PTAR1: variants seen among roughly 807,000 people sequenced by gnomAD.
PTAR1 encodes the protein protein prenyltransferase alpha subunit repeat-containing protein 1.
Under a neutral mutation model 45.5 loss-of-function variants are expected in PTAR1, and 17 were observed. The observed-to-expected ratio is 0.37, with a 90% confidence interval of 0.26 to 0.56. The LOEUF (loss-of-function observed/expected upper bound fraction) is 0.56, where lower values mean the gene tolerates loss of function less well. Ranked by LOEUF, PTAR1 falls within the 20% of genes least tolerant of loss-of-function variation. The pLI is 0.77. For missense variants in PTAR1, 391 were observed against 476.3 expected (o/e 0.82, Z 1.67); for synonymous variants, 169 against 171.3 (o/e 0.99, Z 0.11).
intron 1 of PTAR1, among the ~76,000 whole-genome samples, chr9:69,754,532 C>CATTTTTTTTTTT: frequency 2.6e-5 from 2 of 76,266 alleles, no homozygotes; most frequent in East Asian, 4.0e-4. Context: ...GGGTATATAT[C>CATTTTTTTTTTT]TTTTTTTTTT....
intron 2 of PTAR1, among the ~76,000 whole-genome samples, chr9:69,749,147 G>A (rs529698542): frequency 2.0e-5 from 3 of 152,248 alleles, no homozygotes; most frequent in African/African-American, 7.2e-5. Flanking sequence ...CTGCAATAGT[G>A]TCCAGAAGGA....
intron 5 of PTAR1, among the ~76,000 whole-genome samples, chr9:69,726,127 T>C (rs997832970): frequency 2.6e-5 from 4 of 152,068 alleles, no homozygotes; most frequent in Non-Finnish European, 5.9e-5. Flanking sequence ...ATATAGAAAA[T>C]TCCAATAATA....
chr9:69,732,435 T>C, intron 4 of PTAR1, 83 bp from the exon 5 acceptor site: 2 of 972,418 alleles, frequency 2.1e-6, no homozygotes, highest in East Asian at 4.9e-5. Flanking sequence ...TGTTCCTAAT[T>C]TAATTTCCAT....
intron 3 of PTAR1, among the ~76,000 whole-genome samples, chr9:69,735,689 A>T (rs982933419): frequency 6.6e-6 from 1 of 152,128 alleles, no homozygotes; most frequent in Admixed American, 6.5e-5. Flanking sequence ...TTATAATAAA[A>T]TCAGATCATT....
At chr9:69,740,880 A>G (rs572494051) in intron 3 of PTAR1, among the ~76,000 whole-genome samples, 2 of 152,342 alleles carry the variant, frequency 1.3e-5, no homozygotes, top group South Asian at 4.1e-4. Context: ...TTAATTCAAT[A>G]TATCCAAAAT....
chr9:69,732,079 A>C, intron 5 of PTAR1, 60 bp downstream of exon 5: 1 of 1,218,372 alleles, frequency 8.2e-7, no homozygotes, highest in Non-Finnish European at 1.2e-6. Flanking sequence ...AGAATGAACT[A>C]CTACCAGAAG....
intron 3 of PTAR1, among the ~76,000 whole-genome samples, chr9:69,736,514 G>A (rs1280027066): frequency 1.3e-5 from 2 of 152,124 alleles, no homozygotes; most frequent in Non-Finnish European, 2.9e-5. Flanking sequence ...CCAAGATCGC[G>A]CCACTGCACT....
At chr9:69,748,306 T>A (rs974115817) in intron 2 of PTAR1, among the ~76,000 whole-genome samples, 3 of 152,028 alleles carry the variant, frequency 2.0e-5, no homozygotes, top group Non-Finnish European at 4.4e-5. Context: ...AATGCTGTGG[T>A]CTTCCCTCCT....
intron 1 of PTAR1, among the ~76,000 whole-genome samples, chr9:69,753,609 T>A (rs1826632464): frequency 6.6e-6 from 1 of 152,168 alleles, no homozygotes; most frequent in African/African-American, 2.4e-5. Flanking sequence ...ATACCTCCAG[T>A]AAGGCAAATG....
rs768892342 is a variant in PTAR1 at position 69,723,417 on chromosome 9, T to C, written c.856A>G (p.Ile286Val). ...TCTTCTAGAAGATGGGGAAGATTAA[T>C]CCTTGGTTCTTCTGTTGAAACTGCT... ...EAAVSTEEPR[I>V]NLPHLLEEEV... Residue 286 changes from isoleucine (I) to valine (V), a missense_variant, in exon 6 of 8, where the codon ATT (isoleucine) becomes GTT (valine). Ile to Val is a conservative substitution (Grantham distance 29). Around this residue, in one of 5 missense-constraint regions of PTAR1, gnomAD observed 181 missense variants for 227.7 expected, o/e 0.80. Coordinates refer to ENST00000340434, the MANE Select transcript of PTAR1 (RefSeq NM_001099666.2). The C allele has an allele frequency of 2.5e-6, 4 of 1,613,824 alleles. No individual in the cohort carries two copies. Among genetic ancestry groups the C allele is most frequent in the Non-Finnish European group, 3.4e-6 (4 of 1,179,750 alleles).
intron 5 of PTAR1, among the ~76,000 whole-genome samples, chr9:69,726,853 T>C (rs549670569): frequency 6.6e-5 from 10 of 152,004 alleles, no homozygotes; most frequent in Admixed American, 1.3e-4. Context: ...TTAAAGATAT[T>C]AAGTCTCTAT....
chr9:69,740,029 A>T (rs915433790), intron 3 of PTAR1, among the ~76,000 whole-genome samples: 3 of 152,184 alleles, frequency 2.0e-5, no homozygotes, highest in Admixed American at 6.5e-5. Flanking sequence ...TTTCATAGAT[A>T]AAAAAACCAA....
chr9:69,759,974 G>A lies in PTAR1; in HGVS notation c.-36C>T, dbSNP rs1484182408. The A allele has an allele frequency of 2.1e-5, 30 of 1,427,604 alleles. No individual in the cohort carries two copies. The highest frequency in any genetic ancestry group is 2.7e-5 in the Non-Finnish European group (29 of 1,081,086). 88.4% of individuals were successfully genotyped at this position (1,427,604 alleles called of 1,614,324 possible). A position where few individuals can be genotyped will look rare whatever the true frequency, so the allele number is the denominator to read the frequency against. Reference sequence around the variant, plus strand: ...GCCGCGACAGTTCGGGCGCGCCTCCGCGTGAGCCGGGCCGCCGGCGGGAGT... The same window carrying A: ...GCCGCGACAGTTCGGGCGCGCCTCCACGTGAGCCGGGCCGCCGGCGGGAGT... On this transcript the variant is annotated 5_prime_UTR_variant, in exon 1 of 8. Coordinates refer to ENST00000340434, the MANE Select transcript of PTAR1 (RefSeq NM_001099666.2).
At chr9:69,744,486 A>C (rs1000158507) in intron 2 of PTAR1, among the ~76,000 whole-genome samples, 1 of 151,916 alleles carries the variant, frequency 6.6e-6, no homozygotes, top group Non-Finnish European at 1.5e-5. Context: ...CCTAGGCTCA[A>C]GCGATTCTCA....
Position 69,754,846 on chromosome 9 carries a change from GC to G in PTAR1, c.87-3897del, listed in dbSNP as rs1826700550. On this transcript the variant is annotated intron_variant, in intron 1 of 7. Transcript: ENST00000340434. The stretch of plus-strand genomic sequence containing the variant: ...TAGGATTACAGGTGTGAGTCACTGT[GC>G]CCAGCTGGGTATACATCCTTTTTTC... Among the ~76,000 whole-genome samples the G allele has an allele frequency of 2.6e-5, 4 of 151,846 alleles. No individual in the cohort carries two copies. The South Asian group carries it at 8.3e-4, about 32-fold the overall frequency.
chr9:69,755,524 A>C (rs2134175960), intron 1 of PTAR1, among the ~76,000 whole-genome samples: 1 of 152,312 alleles, frequency 6.6e-6, no homozygotes, highest in South Asian at 2.1e-4. Context: ...GATGGTACCC[A>C]AATACTCAAA....
chr9:69,736,529 C>T (rs1000269438), intron 3 of PTAR1, among the ~76,000 whole-genome samples: 1 of 152,152 alleles, frequency 6.6e-6, no homozygotes, highest in Admixed American at 6.5e-5. Flanking sequence ...TGCACTCCAG[C>T]CTGGCAATAA....
chr9:69,745,962 A>G (rs913610857), intron 2 of PTAR1, among the ~76,000 whole-genome samples: 2 of 152,216 alleles, frequency 1.3e-5, no homozygotes, highest in Non-Finnish European at 2.9e-5. Flanking sequence ...TGCTGAGCAG[A>G]GGGATACTTT....
chr9:69,759,600 G>A (rs973469522), intron 1 of PTAR1, among the ~76,000 whole-genome samples: 1 of 152,166 alleles, frequency 6.6e-6, no homozygotes, highest in Non-Finnish European at 1.5e-5. Context: ...GGTGGGGAGG[G>A]ACAGAGAAAG....
Sources: gnomAD v4.1 joint callset for allele counts (sites outside exome capture counted in the v4.1 genomes callset) on GRCh38, gnomAD v4.1.1 for gene constraint, gnomAD v4.1.1 regional missense constraint, MANE v1.5 for transcripts, NCBI Gene and HGNC (gene_info 2026-07-23, HGNC 2026-07-21) for gene names.